The following SEMA3A variants were observed in gnomAD, a reference collection of about 807,000 sequenced individuals.
SEMA3A encodes the protein semaphorin 3A.
A neutral mutation model predicts 97.9 loss-of-function variants in SEMA3A; 29 were observed. That is an observed-to-expected ratio of 0.30 (90% CI 0.22 to 0.40). The LOEUF is 0.40. SEMA3A is among the 10% of genes least tolerant of loss of function. The pLI, the probability that SEMA3A is intolerant of heterozygous loss-of-function variation, is 1.00. For synonymous variants in SEMA3A, 321 were observed against 323.7 expected, an observed-to-expected ratio of 0.99 and a Z score of 0.09; for missense variants, 763 against 951.3, an observed-to-expected ratio of 0.80 and a Z score of 2.60.
intron 4 of SEMA3A, among the ~76,000 whole-genome samples, chr7:84,102,051 T>C (rs1281160355): frequency 6.6e-6 from 1 of 152,098 alleles, no homozygotes; most frequent in African/African-American, 2.4e-5. Flanking sequence ...CTAAATTACA[T>C]ATGCAGCTAG....
At chr7:84,192,057 C>T (rs764359910) in intron 1 of SEMA3A, among the ~76,000 whole-genome samples, 5 of 151,850 alleles carry the variant, frequency 3.3e-5, no homozygotes, top group African/African-American at 4.8e-5. Context: ...GCAACCTGAG[C>T]AATGAGAGAG....
At chr7:84,371,332 A>G (rs552413545) in intron 2 of SEMA3A, among the ~76,000 whole-genome samples, 1 of 151,986 alleles carries the variant, frequency 6.6e-6, no homozygotes, top group South Asian at 2.1e-4. Context: ...GGAATTTAAG[A>G]CAATAAAATT....
At chr7:83,996,964 A>C (rs2116371995) in intron 12 of SEMA3A, among the ~76,000 whole-genome samples, 1 of 152,322 alleles carries the variant, frequency 6.6e-6, no homozygotes, top group East Asian at 1.9e-4. Context: ...ATTTGATTTC[A>C]TCCCAAATAA....
In SEMA3A at chr7:84,182,334, AGT is replaced by A. The variant is rs552261760; in HGVS notation, c.112+12139_112+12140del. Among the ~76,000 whole-genome samples the A allele has an allele frequency of 4.8e-3, 737 of 152,262 alleles. 5 individuals carry two copies. The highest frequency in any genetic ancestry group is 0.017 in the African/African-American group (696 of 41,560). ...AAGGATGTTGTGTCTTCATGGACCA[AGT>A]CATAACAAAATAATATTCAAGGCAA... On this transcript the variant is annotated intron_variant, in intron 1 of 16. Coordinates refer to ENST00000265362, the MANE Select transcript of SEMA3A (RefSeq NM_006080.3).
chr7:84,203,761 C>T (rs1043718310), intron 3 of SEMA3A, among the ~76,000 whole-genome samples: 3 of 151,456 alleles, frequency 2.0e-5, no homozygotes, highest in Admixed American at 6.6e-5. Context: ...GAACTCCTGA[C>T]CGCAGGTGAT....
At chr7:84,352,012 T>C (rs188098980) in intron 2 of SEMA3A, among the ~76,000 whole-genome samples, 296 of 148,168 alleles carry the variant, frequency 2.0e-3, no homozygotes, top group African/African-American at 7.0e-3. Flanking sequence ...AAATGTAGTA[T>C]AGATACACAA....
chr7:84,150,777 T>A (rs1182768541), intron 1 of SEMA3A, among the ~76,000 whole-genome samples: 4 of 152,078 alleles, frequency 2.6e-5, no homozygotes, highest in Admixed American at 6.6e-5. Context: ...AGGCTCCACC[T>A]CTGGGGGCAG....
intron 2 of SEMA3A, among the ~76,000 whole-genome samples, chr7:84,359,894 C>A (rs1584263712): frequency 6.6e-6 from 1 of 151,700 alleles, no homozygotes; most frequent in African/African-American, 2.4e-5. Context: ...GGAATTTATC[C>A]ATTTCTTCTA....
At chr7:84,026,292 C>T (rs1791541058) in intron 6 of SEMA3A, among the ~76,000 whole-genome samples, 1 of 152,072 alleles carries the variant, frequency 6.6e-6, no homozygotes, top group African/African-American at 2.4e-5. Flanking sequence ...GTTTTTCCAC[C>T]TTCATCTTTT....
At chr7:84,114,184 C>T (rs13228612) in intron 3 of SEMA3A, among the ~76,000 whole-genome samples, 6 of 152,022 alleles carry the variant, frequency 3.9e-5, no homozygotes, top group African/African-American at 9.7e-5. Flanking sequence ...AACTAACTTC[C>T]GATAATTATA....
intron 6 of SEMA3A, among the ~76,000 whole-genome samples, chr7:84,029,638 T>A (rs1791665766): frequency 6.6e-6 from 1 of 152,166 alleles, no homozygotes; most frequent in African/African-American, 2.4e-5. Context: ...CCTTTCATAA[T>A]TTACATTATT....
At chr7:84,450,017 A>G (rs751163912) in intron 1 of SEMA3A, among the ~76,000 whole-genome samples, 4 of 152,276 alleles carry the variant, frequency 2.6e-5, no homozygotes, top group Non-Finnish European at 4.4e-5. Flanking sequence ...CATCTTGTCT[A>G]TTGTGAATAA....
At chr7:84,390,335 A>AATTATTATTATTATT (rs71078827) in intron 1 of SEMA3A, among the ~76,000 whole-genome samples, 189 of 143,662 alleles carry the variant, frequency 1.3e-3, no homozygotes, top group Middle Eastern at 7.3e-3. Context: ...GATATTCAAG[A>AATTATTATTATTATT]ATTATTATTA....
intron 7 of SEMA3A, among the ~76,000 whole-genome samples, chr7:84,013,885 A>G (rs367617875): frequency 1.9e-4 from 29 of 152,268 alleles, no homozygotes; most frequent in African/African-American, 6.7e-4. Flanking sequence ...AAGGTATAGA[A>G]AACTGTGCTA....
chr7:84,354,694 T>A (rs1433100046), intron 2 of SEMA3A, among the ~76,000 whole-genome samples: 1 of 147,196 alleles, frequency 6.8e-6, no homozygotes, highest in Admixed American at 7.3e-5. Flanking sequence ...AATTATTTCA[T>A]TTTTTTTCAT....
chr7:84,002,074 C>CAAGTT (rs750173415), intron 11 of SEMA3A, 28 bp from the exon 12 acceptor site: 3 of 1,302,114 alleles, frequency 2.3e-6, no homozygotes, highest in East Asian at 4.7e-5. Context: ...GAGAAGACCA[C>CAAGTT]AAGTTAAGTA....
intron 1 of SEMA3A, among the ~76,000 whole-genome samples, chr7:84,401,534 G>T (rs1322347354): frequency 1.3e-5 from 2 of 148,748 alleles, no homozygotes; most frequent in African/African-American, 4.9e-5. Flanking sequence ...AACTACAGAA[G>T]ATCCTGACAT....
intron 3 of SEMA3A, among the ~76,000 whole-genome samples, chr7:84,220,271 G>A (rs930154062): frequency 6.6e-6 from 1 of 151,986 alleles, no homozygotes; most frequent in Non-Finnish European, 1.5e-5. Flanking sequence ...ACATCTTTAG[G>A]CTACATTTTT....
At chr7:84,456,316 A>G (rs968191730) in intron 1 of SEMA3A, among the ~76,000 whole-genome samples, 1 of 151,842 alleles carries the variant, frequency 6.6e-6, no homozygotes, top group Non-Finnish European at 1.5e-5. Context: ...AATATGGTAA[A>G]ATCTGTTATT....
Sources: gnomAD v4.1 joint callset for allele counts (sites outside exome capture counted in the v4.1 genomes callset) on GRCh38, gnomAD v4.1.1 for gene constraint, MANE v1.5 for transcripts, NCBI Gene and HGNC (gene_info 2026-07-23, HGNC 2026-07-21) for gene names.